AGAP1: variants seen among roughly 807,000 people sequenced by gnomAD.
AGAP1 encodes the protein ArfGAP with GTPase domain, ankyrin repeat and PH domain 1.
In AGAP1, 29 loss-of-function variants were observed where a neutral mutation model predicts 105.3. The ratio of observed to expected loss-of-function variants is 0.28; its 90% confidence interval spans 0.21 to 0.38. AGAP1 has a LOEUF of 0.38. Ranked by LOEUF, AGAP1 falls within the 10% of genes least tolerant of loss-of-function variation. The pLI is 1.00. For missense variants in AGAP1, 998 were observed against 1,165.1 expected, an observed-to-expected ratio of 0.86 and a Z score of 2.09; for synonymous variants, 509 against 485.9, an observed-to-expected ratio of 1.05 and a Z score of -0.63.
At chr2:235,501,442 G>A (rs1176093558) in intron 1 of AGAP1, among the ~76,000 whole-genome samples, 1 of 152,142 alleles carries the variant, frequency 6.6e-6, no homozygotes, top group African/African-American at 2.4e-5. Flanking sequence ...AGCTGAAAGC[G>A]CGTTTCTGTA....
In AGAP1 at chr2:235,830,382, GTCTT is replaced by G. The variant is rs1559538007; in HGVS notation, c.1050+23056_1050+23059del. On this transcript the variant is annotated intron_variant, in intron 9 of 17. Coordinates refer to ENST00000304032, the MANE Select transcript of AGAP1 (RefSeq NM_001037131.3). This position sits in a 1 kb window ranked among gnomAD's most constrained non-coding sequence, Gnocchi z 5.5. ...GTGCTGTCACTTAGCAGTGTCCACTGTCTTTCTTCAAATCAAGGCCAGTGAATTT... is the reference window on the plus strand; with the variant it reads ...GTGCTGTCACTTAGCAGTGTCCACTGTCTTCAAATCAAGGCCAGTGAATTT... Among the ~76,000 whole-genome samples the G allele has an allele frequency of 6.6e-6, 1 of 152,212 alleles. No individual in the cohort carries two copies.
intron 12 of AGAP1, among the ~76,000 whole-genome samples, chr2:235,950,426 G>A (rs575243868): frequency 6.6e-6 from 1 of 152,088 alleles, no homozygotes; most frequent in Admixed American, 6.5e-5. Context: ...GAAAATTATG[G>A]CTGGTGGGAA....
At chr2:235,568,006 A>G (rs180968320) in intron 1 of AGAP1, among the ~76,000 whole-genome samples, 110 of 152,196 alleles carry the variant, frequency 7.2e-4, no homozygotes, top group Non-Finnish European at 1.3e-3. Context: ...AATGCCAGGT[A>G]TATGCCCTCT....
chr2:235,849,060 T>C (rs1961848975), intron 9 of AGAP1, among the ~76,000 whole-genome samples: 1 of 152,228 alleles, frequency 6.6e-6, no homozygotes, highest in Admixed American at 6.5e-5. Context: ...CTGGTGTTAT[T>C]TACCCTGTAA....
intron 1 of AGAP1, among the ~76,000 whole-genome samples, chr2:235,694,329 G>A (rs1391760562): frequency 1.3e-5 from 2 of 151,818 alleles, no homozygotes; most frequent in Non-Finnish European, 2.9e-5. Flanking sequence ...AATACAAAAA[G>A]TTAGCTGGGC....
chr2:235,579,092 T>G (rs1367662690), intron 1 of AGAP1, among the ~76,000 whole-genome samples: 1 of 152,202 alleles, frequency 6.6e-6, no homozygotes, highest in Admixed American at 6.5e-5. Context: ...TGAAGCAGCC[T>G]TCCCCAGCTT....
chr2:235,886,717 G>A (rs963617496), intron 10 of AGAP1, among the ~76,000 whole-genome samples: 5 of 152,200 alleles, frequency 3.3e-5, no homozygotes, highest in South Asian at 2.1e-4. Context: ...ATGCAGGTAC[G>A]TAGTTCCCTA....
intron 16 of AGAP1, among the ~76,000 whole-genome samples, chr2:236,071,368 C>A (rs2058490747): frequency 6.6e-6 from 1 of 151,980 alleles, no homozygotes. Flanking sequence ...TGGTCCCAGC[C>A]ACTCCTGGAA....
chr2:235,833,062 G>A (rs546969637), intron 9 of AGAP1, among the ~76,000 whole-genome samples: 4 of 152,224 alleles, frequency 2.6e-5, no homozygotes, highest in South Asian at 2.1e-4. Flanking sequence ...GGAGGGGGCC[G>A]GTGAGCCAGG....
chr2:235,859,835 T>G (rs975547328), intron 9 of AGAP1, among the ~76,000 whole-genome samples: 2 of 152,196 alleles, frequency 1.3e-5, no homozygotes, highest in African/African-American at 4.8e-5. Context: ...CTGGAGCTGC[T>G]CCTCTTTCGC....
intron 10 of AGAP1, among the ~76,000 whole-genome samples, chr2:235,895,319 C>G (rs1457417339): frequency 6.6e-6 from 1 of 150,706 alleles, no homozygotes; most frequent in South Asian, 2.1e-4. Context: ...ATGTCCGTGC[C>G]CCTGCTCTTG....
chr2:236,098,639 T>A (rs2059256123), intron 16 of AGAP1, among the ~76,000 whole-genome samples: 1 of 113,478 alleles, frequency 8.8e-6, no homozygotes, highest in Non-Finnish European at 1.9e-5. Flanking sequence ...TTTTTTTTTT[T>A]AGAGAAACAG....
intron 13 of AGAP1, among the ~76,000 whole-genome samples, chr2:235,984,056 A>G (rs956702092): frequency 1.3e-5 from 2 of 151,828 alleles, no homozygotes; most frequent in East Asian, 3.9e-4. Flanking sequence ...TTAAGCAACA[A>G]CTCCCCAGCC....
rs893711030 is a variant in AGAP1 at position 235,900,687 on chromosome 2, A to G, written c.1156-8051A>G. 2.0e-5 allele frequency among the ~76,000 whole-genome samples: 3 copies of G among 152,062 alleles called. No individual in the cohort carries two copies. ...AATTGTGACTTCAAAAGGCCATTCC[A>G]CCATTCTATTAATCCAGCTGCTTCA... On this transcript the variant is annotated intron_variant, in intron 10 of 17. Transcript: ENST00000304032. The surrounding 1 kb of genome is among the most constrained non-coding windows in gnomAD (Gnocchi z 5.5).
At chr2:236,060,795 C>T (rs1357659963) in intron 16 of AGAP1, among the ~76,000 whole-genome samples, 4 of 152,138 alleles carry the variant, frequency 2.6e-5, no homozygotes, top group Non-Finnish European at 4.4e-5. Flanking sequence ...GGCATGGAGG[C>T]TCATGCCCGT....
chr2:235,724,139 T>A lies in AGAP1; in HGVS notation c.310+6495T>A, dbSNP rs7577269. ...GGGGCTCCTTCCTTCAGTGATGGAA[T>A]CTGGAGTTTCTGACTGATTCTTAAC... On this transcript the variant is annotated intron_variant, in intron 3 of 17. Transcript: ENST00000304032. This position sits in a 1 kb window ranked among gnomAD's most constrained non-coding sequence, Gnocchi z 4.9. Among the ~76,000 whole-genome samples the A allele has an allele frequency of 6.4e-3, 972 of 152,352 alleles. 17 individuals are homozygous for A. The highest frequency in any genetic ancestry group is 0.022 in the African/African-American group (926 of 41,582).
In AGAP1 at chr2:235,669,266, G is replaced by C. The variant is rs538095944; in HGVS notation, c.164-39913G>C. Among the ~76,000 whole-genome samples, 4 of 152,250 alleles carry C rather than the reference G, an allele frequency of 2.6e-5. No individual in the cohort carries two copies. The South Asian group carries it at 8.3e-4, about 32-fold the overall frequency. ...GAGGTTGGCGGTAACAGGTACCAAAGACTGTTTTTTAAACAAGTCACATGA... is the reference window on the plus strand; with the variant it reads ...GAGGTTGGCGGTAACAGGTACCAAACACTGTTTTTTAAACAAGTCACATGA... On this transcript the variant is annotated intron_variant, in intron 1 of 17. Transcript: ENST00000304032.
At chr2:235,590,706 T>TGG (rs2149211305) in intron 1 of AGAP1, among the ~76,000 whole-genome samples, 3 of 110,238 alleles carry the variant, frequency 2.7e-5, no homozygotes, top group South Asian at 3.1e-4. Flanking sequence ...TGTGTGTGTG[T>TGG]GTGTGTGCAT....
At chr2:235,829,078 G>T (rs1031418370) in intron 9 of AGAP1, among the ~76,000 whole-genome samples, 2 of 152,212 alleles carry the variant, frequency 1.3e-5, no homozygotes, top group African/African-American at 4.8e-5. Flanking sequence ...GGGTAGATGG[G>T]CACCAGTGAC....
Sources: allele counts gnomAD v4.1 joint callset (sites outside exome capture counted in the v4.1 genomes callset), GRCh38; gene constraint gnomAD v4.1.1; non-coding constraint Gnocchi (gnomAD v3.1); transcripts MANE v1.5; gene names NCBI Gene and HGNC (gene_info 2026-07-23, HGNC 2026-07-21).